The following MACROD2 variants were observed in gnomAD, a reference collection of about 807,000 sequenced individuals.
The protein encoded by MACROD2 is ADP-ribose glycohydrolase MACROD2.
MACROD2 carries 36 observed loss-of-function variants against 70.4 expected under a neutral mutation model. The ratio of observed to expected loss-of-function variants is 0.51; its 90% CI spans 0.39 to 0.68. The LOEUF is 0.68. Ranked by LOEUF, MACROD2 falls within the 30% of genes least tolerant of loss-of-function variation. MACROD2 has a pLI of 0.00. For synonymous variants in MACROD2, 172 were observed against 178.8 expected, an observed-to-expected ratio of 0.96 and a Z score of 0.30; for missense variants, 496 against 538.4, an observed-to-expected ratio of 0.92 and a Z score of 0.78.
intron 5 of MACROD2, among the ~76,000 whole-genome samples, chr20:14,965,138 TTC>T (rs2074620934): frequency 6.6e-6 from 1 of 152,154 alleles, no homozygotes; most frequent in East Asian, 1.9e-4. Flanking sequence ...AGGAGCCTAC[TTC>T]TGATTGGTCA....
chr20:14,093,519 T>C (rs917008476), intron 3 of MACROD2, among the ~76,000 whole-genome samples: 1 of 152,180 alleles, frequency 6.6e-6, no homozygotes, highest in Non-Finnish European at 1.5e-5. Context: ...AAAAATTCAG[T>C]ATTTACTATG....
At chr20:14,919,871 C>A (rs2074140289) in intron 5 of MACROD2, among the ~76,000 whole-genome samples, 1 of 152,186 alleles carries the variant, frequency 6.6e-6, no homozygotes, top group Admixed American at 6.5e-5. Context: ...GCCGTGGCCC[C>A]ATTAGCCCCT....
chr20:15,989,207 A>AT (rs1184220019), intron 15 of MACROD2, among the ~76,000 whole-genome samples: 1 of 152,172 alleles, frequency 6.6e-6, no homozygotes, highest in African/African-American at 2.4e-5. Context: ...TCCACATGTG[A>AT]TTTCCCCAAG....
chr20:14,108,868 A>G (rs1326594633), intron 3 of MACROD2, among the ~76,000 whole-genome samples: 1 of 152,094 alleles, frequency 6.6e-6, no homozygotes, highest in Non-Finnish European at 1.5e-5. Context: ...TGAGATGGAA[A>G]ATCAACAAAG....
chr20:15,588,808 T>C (rs2048638607), intron 8 of MACROD2, among the ~76,000 whole-genome samples: 1 of 152,218 alleles, frequency 6.6e-6, no homozygotes, highest in Non-Finnish European at 1.5e-5. Flanking sequence ...ATCAGAATTT[T>C]TGTCAAAGCC....
At chr20:15,891,889 G>A (rs573968041) in intron 10 of MACROD2, among the ~76,000 whole-genome samples, 2 of 152,288 alleles carry the variant, frequency 1.3e-5, no homozygotes, top group East Asian at 3.9e-4. Context: ...GAAATTATTA[G>A]TGCTGTGAAG....
At chr20:14,685,324 C>T (rs2070988725) in intron 5 of MACROD2, among the ~76,000 whole-genome samples, 1 of 152,016 alleles carries the variant, frequency 6.6e-6, no homozygotes, top group Non-Finnish European at 1.5e-5. Flanking sequence ...TTTCTTATTC[C>T]TTGTTCAGGT....
chr20:14,238,980 T>C (rs2081903637), intron 3 of MACROD2, among the ~76,000 whole-genome samples: 2 of 132,662 alleles, frequency 1.5e-5, no homozygotes, highest in Middle Eastern at 0.012. Context: ...TGAGCCAAGA[T>C]TGCGCCACTG....
At chr20:14,824,589 C>G (rs1182175131) in intron 5 of MACROD2, among the ~76,000 whole-genome samples, 4 of 152,032 alleles carry the variant, frequency 2.6e-5, no homozygotes, top group Non-Finnish European at 5.9e-5. Context: ...CTCACGTGAC[C>G]TCTCCACATG....
chr20:16,017,962 T>C (rs957138576), intron 15 of MACROD2, among the ~76,000 whole-genome samples: 5 of 152,186 alleles, frequency 3.3e-5, no homozygotes, highest in Non-Finnish European at 5.9e-5. Context: ...ATATAATGTT[T>C]AATTCATAGT....
rs535366306 is a variant in MACROD2, at chr20:14,760,310, T to C, written c.418+75351T>C. On this transcript the variant is annotated intron_variant, in intron 5 of 17. Transcript: ENST00000684519. Reference sequence around the variant, plus strand: ...GTGTTTGCAATCTTGGAAGTGCTTATACTTATAAAACTTTCACTTACTCTG... The same window carrying C: ...GTGTTTGCAATCTTGGAAGTGCTTACACTTATAAAACTTTCACTTACTCTG... 5.3e-5 allele frequency among the ~76,000 whole-genome samples: 8 copies of C among 152,224 alleles called. No homozygotes were observed. The South Asian group carries it at 1.0e-3, about 20-fold the overall frequency.
At chr20:15,613,166 AG>A (rs1365370929) in intron 8 of MACROD2, among the ~76,000 whole-genome samples, 65 of 152,366 alleles carry the variant, frequency 4.3e-4, no homozygotes, top group Non-Finnish European at 8.8e-4. Context: ...TGGCAGACAC[AG>A]TGACCCTGTT....
intron 2 of MACROD2, among the ~76,000 whole-genome samples, chr20:14,004,705 T>A (rs1390125659): frequency 6.6e-6 from 1 of 152,098 alleles, no homozygotes; most frequent in African/African-American, 2.4e-5. Context: ...AAAGGAAAAC[T>A]ATACATATGG....
chr20:14,688,062 C>T (rs2071022605), intron 5 of MACROD2, among the ~76,000 whole-genome samples: 1 of 152,148 alleles, frequency 6.6e-6, no homozygotes, highest in African/African-American at 2.4e-5. Context: ...TAACAATCCA[C>T]AGATGTGCTT....
At chr20:14,266,055 C>T (rs1027231524) in intron 3 of MACROD2, among the ~76,000 whole-genome samples, 2 of 152,166 alleles carry the variant, frequency 1.3e-5, no homozygotes, top group Admixed American at 6.5e-5. Context: ...GGATTATAGG[C>T]GTGAGCCATC....
intron 5 of MACROD2, among the ~76,000 whole-genome samples, chr20:15,209,817 T>G (rs777111701): frequency 6.6e-6 from 1 of 152,146 alleles, no homozygotes; most frequent in Non-Finnish European, 1.5e-5. Context: ...ACTCTGAAAA[T>G]CTTTCCAGAA....
At chr20:14,346,834 G>C (rs1009663861) in intron 3 of MACROD2, among the ~76,000 whole-genome samples, 1 of 152,138 alleles carries the variant, frequency 6.6e-6, no homozygotes, top group Non-Finnish European at 1.5e-5. Flanking sequence ...TTCAACAAAT[G>C]CTTATTGAAT....
At chr20:14,691,836 G>A (rs1434635747) in intron 5 of MACROD2, among the ~76,000 whole-genome samples, 1 of 152,096 alleles carries the variant, frequency 6.6e-6, no homozygotes, top group South Asian at 2.1e-4. Flanking sequence ...ATTACACAAA[G>A]AGAAAAGCCG....
At chr20:15,199,245 A>C (rs530266742) in intron 5 of MACROD2, among the ~76,000 whole-genome samples, 63 of 152,194 alleles carry the variant, frequency 4.1e-4, no homozygotes, top group Non-Finnish European at 7.8e-4. Flanking sequence ...AGTCCCAGCT[A>C]CTTGGGGGAC....
Sources: allele counts gnomAD v4.1 joint callset (sites outside exome capture counted in the v4.1 genomes callset), GRCh38; gene constraint gnomAD v4.1.1; transcripts MANE v1.5; gene names NCBI Gene and HGNC (gene_info 2026-07-23, HGNC 2026-07-21).